Variants in ITGAL observed in about 807,000 individuals in gnomAD.
ITGAL encodes the protein integrin alpha-L.
ITGAL carries 68 observed loss-of-function variants against 138.4 expected under a neutral mutation model. The observed-to-expected ratio is 0.49, with a 90% CI of 0.40 to 0.60. The LOEUF (loss-of-function observed/expected upper bound fraction) is 0.60, where lower values mean the gene tolerates loss of function less well. Among genes scored for constraint, ITGAL ranks in the 20% least tolerant of loss-of-function variants. The pLI is 0.00. For missense variants in ITGAL, 1,256 were observed against 1,478.6 expected, an observed-to-expected ratio of 0.85 and a Z score of 2.47; for synonymous variants, 561 against 584.3, an observed-to-expected ratio of 0.96 and a Z score of 0.57.
rs371321025 is a variant in ITGAL, at chr16:30,518,448, CAAA to C, written c.3133-162_3133-160del. On this transcript the variant is annotated intron_variant, in intron 28 of 30. Coordinates refer to ENST00000356798, the MANE Select transcript of ITGAL (RefSeq NM_002209.3). ...TGGGTGACAGAGCAAGACTCCATCT[CAAA>C]AAAAAAAAAAAAATAGAAAGAAAAG... Among the ~76,000 whole-genome samples the C allele has an allele frequency of 4.0e-5, 4 of 99,654 alleles. 1 individual carries two copies. Among genetic ancestry groups the C allele is most frequent in the Admixed American group, 1.1e-4 (1 of 9,124 alleles). The allele number at this position is 99,654 out of a possible 152,430, so 65.4% of individuals were successfully genotyped here.
chr16:30,481,364 A>T, intron 6 of ITGAL, 75 bp from the exon 7 acceptor site: 3 of 1,060,270 alleles, frequency 2.8e-6, no homozygotes, highest in Non-Finnish European at 3.9e-6. Flanking sequence ...AAAAAAAAAA[A>T]AAAGAAGTAG....
intron 1 of ITGAL, chr16:30,473,904 G>C: frequency 1.8e-6 from 1 of 554,366 alleles, no homozygotes. Context: ...TCTGCCTTGG[G>C]GCCCCTTGGG....
At chr16:30,505,873 T>TA (rs951789338) in intron 20 of ITGAL, among the ~76,000 whole-genome samples, 1 of 151,910 alleles carries the variant, frequency 6.6e-6, no homozygotes, top group African/African-American at 2.4e-5. Flanking sequence ...ACTCTATCTC[T>TA]AAAAAATAAA....
At chr16:30,500,959 G>A (rs1251553298) in intron 17 of ITGAL, among the ~76,000 whole-genome samples, 2 of 151,700 alleles carry the variant, frequency 1.3e-5, no homozygotes, top group East Asian at 2.0e-4. Context: ...AGCCAAGATC[G>A]TGCCATTGCA....
intron 4 of ITGAL, among the ~76,000 whole-genome samples, chr16:30,477,923 A>T (rs2050494670): frequency 1.3e-5 from 2 of 150,718 alleles, no homozygotes; most frequent in African/African-American, 4.9e-5. Context: ...AAGCAAAGAA[A>T]GGAAAGAAAG....
chr16:30,485,469 G>A (rs943113816), intron 9 of ITGAL, among the ~76,000 whole-genome samples: 5 of 151,904 alleles, frequency 3.3e-5, no homozygotes, highest in South Asian at 2.1e-4. Flanking sequence ...TGACCTGCCC[G>A]CCTTGGCCTC....
intron 26 of ITGAL, 135 bp downstream of exon 26, chr16:30,517,221 G>A (rs2051179904): frequency 1.6e-6 from 1 of 644,814 alleles, no homozygotes; most frequent in Non-Finnish European, 2.8e-6. Flanking sequence ...GGAGGCTGAA[G>A]TGGGAGAATC....
chr16:30,518,600 T>TG (rs1399966842), intron 28 of ITGAL, 24 bp from the exon 29 acceptor site: 13 of 1,559,688 alleles, frequency 8.3e-6, no homozygotes, highest in Non-Finnish European at 1.1e-5. Flanking sequence ...TCCCGGGTTC[T>TG]GACGCCTTTC....
Position 30,479,119 on chromosome 16 carries a change from G to A in ITGAL, c.356G>A (p.Cys119Tyr). The A allele has an allele frequency of 6.2e-7, 1 of 1,614,154 alleles. No individual in the cohort carries two copies. ...LACDPGLSRTCDQNTYLSGLC... is the reference protein window; with the variant it reads ...LACDPGLSRTYDQNTYLSGLC... ...TGTGACCCTGGGCTGTCTCGAACGT[G>A]TGACCAGAACACCTATCTGAGTGGC... Residue 119 changes from cysteine (C) to tyrosine (Y), a missense_variant, in exon 5 of 31, where the codon TGT becomes TAT. By Grantham distance (194) the Cys-to-Tyr change is radical. Transcript: ENST00000356798.
At chr16:30,497,292 G>C in intron 15 of ITGAL, among the ~76,000 whole-genome samples, 1 of 151,060 alleles carries the variant, frequency 6.6e-6, no homozygotes, top group East Asian at 2.0e-4. Flanking sequence ...GCAGTGAGCC[G>C]AGATCGCGCC....
At position 30,513,918 on chromosome 16, in the gene ITGAL, G is replaced by C. The variant is rs1156427698; in HGVS notation, c.2862+72G>C. ...TTTATCCCGGGGACTGAGGATGCAG[G>C]CACCAAGTAGACACAGTACTCATCC... On this transcript the variant is annotated intron_variant, in intron 25 of 30. Transcript: ENST00000356798. 9.5e-5 allele frequency: 107 copies of C among 1,127,870 alleles called. No individual in the cohort carries two copies. In the East Asian group the frequency reaches 2.5e-3, roughly 26 times the overall value. The allele number at this position is 1,127,870 out of a possible 1,614,324, so 69.9% of individuals were successfully genotyped here.
chr16:30,516,914 TG>T, intron 25 of ITGAL, 58 bp from the exon 26 acceptor site: 7 of 1,198,484 alleles, frequency 5.8e-6, no homozygotes, highest in South Asian at 3.6e-5. Flanking sequence ...ACACAGGGTC[TG>T]GGGGGCAGCT....
chr16:30,505,499 C>G lies in ITGAL; in HGVS notation c.2366+37C>G, dbSNP rs371559587. On this transcript the variant is annotated intron_variant, in intron 20 of 30. Coordinates refer to ENST00000356798, the MANE Select transcript of ITGAL (RefSeq NM_002209.3). ...CTCCCACCCTCCAGCCTCCCATCCACTCTGTTTTAAGACCCCCCACTCCAC... is the reference window on the plus strand; with the variant it reads ...CTCCCACCCTCCAGCCTCCCATCCAGTCTGTTTTAAGACCCCCCACTCCAC... The G allele has an allele frequency of 2.7e-5, 41 of 1,534,660 alleles. No individual in the cohort carries two copies. The African/African-American group carries it at 5.3e-4, about 20-fold the overall frequency.
intron 9 of ITGAL, among the ~76,000 whole-genome samples, chr16:30,488,669 C>A (rs528338861): frequency 1.4e-5 from 2 of 143,636 alleles, no homozygotes; most frequent in South Asian, 4.5e-4. Context: ...CACTACCGCA[C>A]TCCAGCCTCG....
intron 17 of ITGAL, among the ~76,000 whole-genome samples, chr16:30,503,170 G>T (rs2050931515): frequency 6.6e-6 from 1 of 152,068 alleles, no homozygotes; most frequent in Non-Finnish European, 1.5e-5. Flanking sequence ...AAAAAAAATA[G>T]TTTAATGAAT....
At chr16:30,485,189 C>A (rs560596309) in intron 9 of ITGAL, among the ~76,000 whole-genome samples, 6 of 135,668 alleles carry the variant, frequency 4.4e-5, no homozygotes, top group African/African-American at 8.2e-5. Flanking sequence ...TCTCCTCCCC[C>A]CTTCCTCTCC....
chr16:30,498,550 C>T (rs1019375231), intron 15 of ITGAL, among the ~76,000 whole-genome samples: 2 of 152,182 alleles, frequency 1.3e-5, no homozygotes, highest in African/African-American at 4.8e-5. Flanking sequence ...GCTTTCTCTT[C>T]TTCATGGAAA....
At chr16:30,491,323 C>T (rs1188779235) in intron 11 of ITGAL, among the ~76,000 whole-genome samples, 1 of 151,912 alleles carries the variant, frequency 6.6e-6, no homozygotes, top group Non-Finnish European at 1.5e-5. Context: ...ATCTCTTGAA[C>T]TCTGGAGGTA....
intron 20 of ITGAL, among the ~76,000 whole-genome samples, chr16:30,505,988 G>A (rs867589440): frequency 2.0e-5 from 3 of 152,126 alleles, no homozygotes; most frequent in South Asian, 2.1e-4. Context: ...GGCCTGGCGC[G>A]GTGGCTCACG....
Sources: gnomAD v4.1 joint callset for allele counts (sites outside exome capture counted in the v4.1 genomes callset) on GRCh38, gnomAD v4.1.1 for gene constraint, MANE v1.5 for transcripts, NCBI Gene and HGNC (gene_info 2026-07-23, HGNC 2026-07-21) for gene names.